CSMD1: variants seen among roughly 807,000 people sequenced by gnomAD.
CSMD1 encodes CUB and sushi domain-containing protein 1.
A neutral mutation model predicts 417.5 loss-of-function variants in CSMD1; 213 were observed. That is an observed-to-expected ratio of 0.51 (90% CI 0.46 to 0.57). The LOEUF (loss-of-function observed/expected upper bound fraction) is 0.57, where lower values mean the gene tolerates loss of function less well. Ranked by LOEUF, CSMD1 falls within the 20% of genes least tolerant of loss-of-function variation. The pLI is 0.00. For synonymous variants in CSMD1, 2,862 were observed against 1,736.8 expected, an observed-to-expected ratio of 1.65 and a Z score of -16.11; for missense variants, 6,923 against 4,529.7, an observed-to-expected ratio of 1.53 and a Z score of -15.17.
intron 3 of CSMD1, among the ~76,000 whole-genome samples, chr8:4,182,719 A>T (rs1453361738): frequency 6.6e-6 from 1 of 152,130 alleles, no homozygotes; most frequent in African/African-American, 2.4e-5. Flanking sequence ...AAAGAAAAAG[A>T]ACAGCTATAT....
At chr8:4,981,145 A>C (rs1039146031) in intron 1 of CSMD1, among the ~76,000 whole-genome samples, 1 of 145,068 alleles carries the variant, frequency 6.9e-6, no homozygotes, top group Non-Finnish European at 1.5e-5. Context: ...ATGGGATCAA[A>C]ATATAGATAT....
chr8:3,457,491 C>T (rs973931600), intron 12 of CSMD1, among the ~76,000 whole-genome samples: 11 of 152,192 alleles, frequency 7.2e-5, no homozygotes, highest in Admixed American at 1.3e-4. Flanking sequence ...CTAAAAGAAA[C>T]GCATTGGAGC....
At chr8:3,819,463 C>T (rs555233672) in intron 5 of CSMD1, among the ~76,000 whole-genome samples, 98 of 152,022 alleles carry the variant, frequency 6.4e-4, no homozygotes, top group Non-Finnish European at 1.5e-4. Flanking sequence ...CCAACTTCAC[C>T]TTCAATCGTC....
chr8:3,499,805 G>C (rs1027143749), intron 10 of CSMD1, among the ~76,000 whole-genome samples: 2 of 152,238 alleles, frequency 1.3e-5, no homozygotes, highest in South Asian at 2.1e-4. Flanking sequence ...GCGTTCTCAA[G>C]ATGTGGAGAT....
chr8:3,591,868 T>C (rs1800862888), intron 8 of CSMD1, among the ~76,000 whole-genome samples: 1 of 151,854 alleles, frequency 6.6e-6, no homozygotes, highest in African/African-American at 2.4e-5. Context: ...AGATGATAGA[T>C]GAATAGATGG....
At chr8:4,299,499 G>C (rs1298425501) in intron 3 of CSMD1, among the ~76,000 whole-genome samples, 2 of 152,092 alleles carry the variant, frequency 1.3e-5, no homozygotes, top group Admixed American at 6.6e-5. Flanking sequence ...GCCATCATGT[G>C]GTAGACACCT....
At chr8:4,389,353 A>T (rs1803689719) in intron 3 of CSMD1, among the ~76,000 whole-genome samples, 2 of 152,320 alleles carry the variant, frequency 1.3e-5, no homozygotes, top group South Asian at 4.1e-4. Context: ...AAGAGCTGAT[A>T]TGTGGAGGGA....
intron 26 of CSMD1, among the ~76,000 whole-genome samples, chr8:3,253,757 C>T (rs1442592001): frequency 2.6e-5 from 4 of 152,078 alleles, no homozygotes; most frequent in Non-Finnish European, 5.9e-5. Context: ...TTATTTTGAG[C>T]CTATGTGTGT....
chr8:3,853,261 G>A (rs577603804), intron 5 of CSMD1, among the ~76,000 whole-genome samples: 3 of 152,310 alleles, frequency 2.0e-5, no homozygotes, highest in Middle Eastern at 6.8e-3. Flanking sequence ...AGGCTCAGGA[G>A]AAAGCTGTGA....
At chr8:4,827,740 C>CTGT (rs1441545744) in intron 1 of CSMD1, among the ~76,000 whole-genome samples, 1 of 152,154 alleles carries the variant, frequency 6.6e-6, no homozygotes, top group Non-Finnish European at 1.5e-5. Flanking sequence ...TTTTACTCCA[C>CTGT]TGTTATTTTC....
At chr8:4,874,639 C>G (rs1802935724) in intron 1 of CSMD1, among the ~76,000 whole-genome samples, 1 of 151,766 alleles carries the variant, frequency 6.6e-6, no homozygotes, top group South Asian at 2.1e-4. Flanking sequence ...GATCTACCCA[C>G]CTTGGCCTCC....
intron 9 of CSMD1, among the ~76,000 whole-genome samples, chr8:3,580,130 A>G (rs79717406): frequency 0.031 from 4,668 of 152,140 alleles, 238 homozygotes; most frequent in African/African-American, 0.1. Context: ...AAAAAGAAAG[A>G]AAAAAAGTAT....
intron 3 of CSMD1, among the ~76,000 whole-genome samples, chr8:4,413,785 G>C (rs1189236342): frequency 6.6e-6 from 1 of 152,084 alleles, no homozygotes; most frequent in African/African-American, 2.4e-5. Context: ...GATTTCGGTA[G>C]CTTCTGGCAA....
rs570621428 is a variant in CSMD1 at position 4,200,683 on chromosome 8, G to A, written c.416-168584C>T. On this transcript the variant is annotated intron_variant, in intron 3 of 69. Coordinates refer to ENST00000635120, the MANE Select transcript of CSMD1 (RefSeq NM_033225.6). ...CCACCCTGGGCAAGGTAGGAAGACC[G>A]CACCTCTACAAAACATAACAATTAA... is the stretch of plus-strand genomic sequence containing the variant. Among the ~76,000 whole-genome samples the A allele has an allele frequency of 1.1e-4, 16 of 152,112 alleles. No individual in the cohort carries two copies. The East Asian group carries it at 2.3e-3, about 22-fold the overall frequency.
intron 39 of CSMD1, among the ~76,000 whole-genome samples, chr8:3,155,492 C>A (rs778222807): frequency 2.0e-5 from 3 of 150,632 alleles, no homozygotes; most frequent in African/African-American, 4.9e-5. Context: ...CTCAGCCTCC[C>A]GAGTAGCTGA....
intron 2 of CSMD1, among the ~76,000 whole-genome samples, chr8:4,591,352 A>C (rs534863015): frequency 5.8e-4 from 88 of 152,356 alleles, no homozygotes; most frequent in Non-Finnish European, 9.8e-4. Flanking sequence ...ATTCACAGAC[A>C]AACTAGTTGG....
At chr8:4,909,528 G>A (rs1156373619) in intron 1 of CSMD1, among the ~76,000 whole-genome samples, 3 of 152,124 alleles carry the variant, frequency 2.0e-5, no homozygotes, top group East Asian at 3.8e-4. Flanking sequence ...TGATGTAGAA[G>A]GATCTAGGAT....
chr8:3,449,381 G>C (rs1264505060), intron 12 of CSMD1, among the ~76,000 whole-genome samples: 1 of 152,100 alleles, frequency 6.6e-6, no homozygotes, highest in Non-Finnish European at 1.5e-5. Flanking sequence ...AATGTCTCAT[G>C]GGTTGGCTTT....
At chr8:3,089,286 G>A (rs1005925768) in intron 48 of CSMD1, among the ~76,000 whole-genome samples, 19 of 152,214 alleles carry the variant, frequency 1.2e-4, no homozygotes, top group African/African-American at 4.1e-4. Flanking sequence ...CTGGAATTTC[G>A]GTGTGAATGC....
Sources: gnomAD v4.1 joint callset for allele counts (sites outside exome capture counted in the v4.1 genomes callset) on GRCh38, gnomAD v4.1.1 for gene constraint, MANE v1.5 for transcripts, NCBI Gene and HGNC (gene_info 2026-07-23, HGNC 2026-07-21) for gene names.